The following SMOC2 variants were observed in gnomAD, a reference collection of about 807,000 sequenced individuals.
SMOC2 encodes the protein SPARC-related modular calcium-binding protein 2.
A neutral mutation model predicts 61.4 loss-of-function variants in SMOC2; 39 were observed. The observed-to-expected ratio is 0.64, with a 90% CI of 0.49 to 0.83. The LOEUF is 0.83. SMOC2 is among the 40% of genes least tolerant of loss of function. The probability of loss-of-function intolerance (pLI) is 0.00; values close to 1 mark genes in which losing one functional copy is unlikely to be tolerated. For synonymous variants in SMOC2, 247 were observed against 239.9 expected (o/e 1.03, Z -0.27); for missense variants, 556 against 592.9 (o/e 0.94, Z 0.65).
chr6:168,456,130 G>A (rs1438395707), intron 1 of SMOC2, among the ~76,000 whole-genome samples: 1 of 152,246 alleles, frequency 6.6e-6, no homozygotes, highest in Non-Finnish European at 1.5e-5. Flanking sequence ...CTGGACGTGT[G>A]GGCCGACGTC....
intron 8 of SMOC2, among the ~76,000 whole-genome samples, chr6:168,607,098 G>A (rs535508414): frequency 6.2e-4 from 95 of 152,164 alleles, no homozygotes; most frequent in African/African-American, 2.1e-3. Flanking sequence ...GCACCTCCCC[G>A]GCGTCTCCTT....
chr6:168,611,173 G>A (rs1785850288), intron 9 of SMOC2, among the ~76,000 whole-genome samples: 1 of 152,240 alleles, frequency 6.6e-6, no homozygotes, highest in Admixed American at 6.5e-5. Flanking sequence ...CCTGTGTCGG[G>A]GCCGTGGTGT....
At chr6:168,529,796 G>T (rs1290759038) in intron 4 of SMOC2, among the ~76,000 whole-genome samples, 1 of 152,228 alleles carries the variant, frequency 6.6e-6, no homozygotes, top group African/African-American at 2.4e-5. Flanking sequence ...AAGCAGGGAA[G>T]TTAAGTAATG....
At chr6:168,473,863 G>A (rs1185566477) in intron 1 of SMOC2, among the ~76,000 whole-genome samples, 1 of 152,088 alleles carries the variant, frequency 6.6e-6, no homozygotes, top group Non-Finnish European at 1.5e-5. Flanking sequence ...AGGGCAGGGG[G>A]CTGCTGCCTG....
intron 1 of SMOC2, among the ~76,000 whole-genome samples, chr6:168,446,572 A>C (rs1005573419): frequency 6.6e-6 from 1 of 152,224 alleles, no homozygotes; most frequent in Non-Finnish European, 1.5e-5. Flanking sequence ...CATATGTACA[A>C]CAGTTAATAT....
At chr6:168,659,565 G>GT in intron 11 of SMOC2, among the ~76,000 whole-genome samples, 2 of 150,754 alleles carry the variant, frequency 1.3e-5, no homozygotes, top group Non-Finnish European at 1.5e-5. Context: ...GATGGAGGTT[G>GT]TAGGTTGAGT....
chr6:168,569,822 T>C (rs1005164369), intron 7 of SMOC2, among the ~76,000 whole-genome samples: 1 of 152,226 alleles, frequency 6.6e-6, no homozygotes, highest in African/African-American at 2.4e-5. Context: ...ATTCTCCTAA[T>C]GGTGTATTTG....
intron 9 of SMOC2, among the ~76,000 whole-genome samples, chr6:168,630,247 G>A (rs1424925399): frequency 6.6e-6 from 1 of 152,168 alleles, no homozygotes; most frequent in Non-Finnish European, 1.5e-5. Context: ...GGGAAGTCAG[G>A]GACCCCAAAC....
chr6:168,486,901 C>A (rs1782351487), intron 1 of SMOC2, among the ~76,000 whole-genome samples: 1 of 152,106 alleles, frequency 6.6e-6, no homozygotes, highest in Admixed American at 6.6e-5. Flanking sequence ...AAATCATAAA[C>A]CAACGCATTA....
At chr6:168,538,216 C>T (rs372538392) in intron 4 of SMOC2, among the ~76,000 whole-genome samples, 35 of 139,372 alleles carry the variant, frequency 2.5e-4, no homozygotes, top group Admixed American at 1.2e-3. Context: ...GTGGGGTGAC[C>T]GCTGCTGGAA....
intron 7 of SMOC2, among the ~76,000 whole-genome samples, chr6:168,564,470 T>C (rs1345894750): frequency 6.6e-6 from 1 of 152,174 alleles, no homozygotes; most frequent in African/African-American, 2.4e-5. Context: ...CTTGTATGTA[T>C]GTGGATTTAA....
intron 4 of SMOC2, among the ~76,000 whole-genome samples, chr6:168,534,744 A>G (rs907131814): frequency 6.6e-6 from 1 of 152,082 alleles, no homozygotes; most frequent in Non-Finnish European, 1.5e-5. Context: ...TGTACATTTA[A>G]TTTGGCGGCT....
At chr6:168,587,993 C>G (rs1289059168) in intron 7 of SMOC2, among the ~76,000 whole-genome samples, 1 of 141,888 alleles carries the variant, frequency 7.0e-6, no homozygotes, top group African/African-American at 2.5e-5. Flanking sequence ...GATCCAGGCA[C>G]TGGCAGATTT....
chr6:168,489,990 C>T (rs548725897), intron 1 of SMOC2, among the ~76,000 whole-genome samples: 4 of 151,044 alleles, frequency 2.6e-5, no homozygotes, highest in South Asian at 2.1e-4. Flanking sequence ...GGAAATATAT[C>T]GAATCATCTG....
intron 1 of SMOC2, among the ~76,000 whole-genome samples, chr6:168,477,453 C>A (rs1374649270): frequency 6.6e-6 from 1 of 152,200 alleles, no homozygotes; most frequent in African/African-American, 2.4e-5. Flanking sequence ...ATTTATCTTT[C>A]TCCTGGAAAG....
At chr6:168,620,811 C>T (rs1216454513) in intron 9 of SMOC2, among the ~76,000 whole-genome samples, 2 of 152,166 alleles carry the variant, frequency 1.3e-5, no homozygotes, top group Non-Finnish European at 2.9e-5. Context: ...GTTATTACTT[C>T]TAGAATAAAG....
At chr6:168,447,723 G>T (rs1179179112) in intron 1 of SMOC2, among the ~76,000 whole-genome samples, 2 of 152,054 alleles carry the variant, frequency 1.3e-5, no homozygotes, top group Non-Finnish European at 2.9e-5. Flanking sequence ...TTTGATCAGG[G>T]GTTCAGAGCC....
At chr6:168,623,482 C>CTTATTTA (rs1554251883) in intron 9 of SMOC2, among the ~76,000 whole-genome samples, 5 of 146,376 alleles carry the variant, frequency 3.4e-5, no homozygotes, top group African/African-American at 1.3e-4. Flanking sequence ...CCCCACCTGG[C>CTTATTTA]TTATTTATTT....
chr6:168,590,030 C>T (rs555121997), intron 7 of SMOC2, among the ~76,000 whole-genome samples: 3 of 18,150 alleles, frequency 1.7e-4, no homozygotes, highest in African/African-American at 8.6e-4. Context: ...AGGGAGCAGC[C>T]GGTCTGGTGG....
Sources: gnomAD v4.1 joint callset for allele counts (sites outside exome capture counted in the v4.1 genomes callset) on GRCh38, gnomAD v4.1.1 for gene constraint, MANE v1.5 for transcripts, NCBI Gene and HGNC (gene_info 2026-07-23, HGNC 2026-07-21) for gene names.